DIP2B: variants seen among roughly 807,000 people sequenced by gnomAD.
DIP2B encodes DIP2 acetate--CoA ligase B (putative).
A neutral mutation model predicts 198.0 loss-of-function variants in DIP2B; 76 were observed. The observed-to-expected ratio is 0.38, with a 90% confidence interval of 0.32 to 0.46. The LOEUF (loss-of-function observed/expected upper bound fraction) is 0.46. DIP2B is among the 20% of genes least tolerant of loss of function. The probability of loss-of-function intolerance (pLI) is 0.99; values close to 1 mark genes in which losing one functional copy is unlikely to be tolerated. For synonymous variants in DIP2B, 701 were observed against 739.1 expected, an observed-to-expected ratio of 0.95 and a Z score of 0.84; for missense variants, 1,559 against 1,978.4, an observed-to-expected ratio of 0.79 and a Z score of 4.02.
chr12:50,683,846 T>C (rs542561732), intron 10 of DIP2B, among the ~76,000 whole-genome samples: 1 of 152,162 alleles, frequency 6.6e-6, no homozygotes, highest in South Asian at 2.1e-4. Context: ...ACATGGTGGC[T>C]CACGCCTGTA....
chr12:50,718,103 TTGGCC>T (rs1939766472), intron 23 of DIP2B, among the ~76,000 whole-genome samples: 1 of 151,072 alleles, frequency 6.6e-6, no homozygotes, highest in South Asian at 2.1e-4. Context: ...TTTCACCATG[TTGGCC>T]AGGATGGTCT....
At chr12:50,522,420 G>GCTCTGGAACCAGCCCT (rs1958128351) in intron 1 of DIP2B, among the ~76,000 whole-genome samples, 1 of 152,156 alleles carries the variant, frequency 6.6e-6, no homozygotes, top group Non-Finnish European at 1.5e-5. Flanking sequence ...GGTACAAGAC[G>GCTCTGGAACCAGCCCT]GGAACCAGCC....
intron 1 of DIP2B, among the ~76,000 whole-genome samples, chr12:50,591,928 A>AGT (rs1293096526): frequency 1.3e-5 from 2 of 149,418 alleles, no homozygotes; most frequent in African/African-American, 4.9e-5. Context: ...TCCAGGCTAG[A>AGT]GTGCAGTGGT....
intron 3 of DIP2B, among the ~76,000 whole-genome samples, chr12:50,652,346 T>TACAC (rs34791599): frequency 5.3e-4 from 74 of 140,444 alleles, no homozygotes; most frequent in African/African-American, 1.7e-3. Flanking sequence ...ATATATATAA[T>TACAC]ACACACACAC....
intron 18 of DIP2B, 25 bp downstream of exon 18, chr12:50,698,492 G>T: frequency 1.9e-6 from 3 of 1,593,054 alleles, no homozygotes; most frequent in East Asian, 2.2e-5. Context: ...GCATCATTTG[G>T]TTTTTCATAA....
At chr12:50,696,911 C>A in intron 16 of DIP2B, 150 bp from the exon 17 acceptor site, 1 of 608,036 alleles carries the variant, frequency 1.6e-6, no homozygotes. Context: ...AACCATCTCA[C>A]AGGGACAGTA....
At chr12:50,674,796 T>C (rs1382700818) in intron 6 of DIP2B, among the ~76,000 whole-genome samples, 167 bp downstream of exon 6, 1 of 152,234 alleles carries the variant, frequency 6.6e-6, no homozygotes, top group East Asian at 1.9e-4. Flanking sequence ...ACAGTGACAG[T>C]ATTGCCACTT....
intron 32 of DIP2B, among the ~76,000 whole-genome samples, chr12:50,732,928 C>T (rs995940710): frequency 3.3e-5 from 5 of 151,446 alleles, no homozygotes; most frequent in East Asian, 1.9e-4. Context: ...TTATTTGAGA[C>T]GGAGCCTTGC....
intron 11 of DIP2B, 46 bp from the exon 12 acceptor site, chr12:50,686,527 C>G: frequency 1.9e-6 from 3 of 1,565,898 alleles, no homozygotes; most frequent in East Asian, 2.2e-5. Flanking sequence ...TGAATTCATT[C>G]CCTGATGGCT....
intron 2 of DIP2B, among the ~76,000 whole-genome samples, chr12:50,638,027 A>G (rs1159095973): frequency 2.6e-5 from 4 of 152,208 alleles, no homozygotes; most frequent in Admixed American, 1.3e-4. Context: ...TGTACTTTTT[A>G]TTGTTACTAA....
At chr12:50,579,780 T>C (rs569338130) in intron 1 of DIP2B, among the ~76,000 whole-genome samples, 11 of 147,594 alleles carry the variant, frequency 7.5e-5, no homozygotes, top group Admixed American at 2.0e-4. Flanking sequence ...ACCACATTTT[T>C]GGAGAACTGC....
chr12:50,635,483 C>A (rs952318), intron 2 of DIP2B, among the ~76,000 whole-genome samples: 44,059 of 152,034 alleles, frequency 0.29, 6,579 homozygotes, highest in East Asian at 0.36. Flanking sequence ...CCAAACGTGG[C>A]TTCCTTTTGT....
At chr12:50,668,564 T>C (rs1054338153) in intron 4 of DIP2B, among the ~76,000 whole-genome samples, 4 of 152,192 alleles carry the variant, frequency 2.6e-5, no homozygotes, top group Admixed American at 6.5e-5. Context: ...TGAAACCCAT[T>C]TTCCATAAAC....
At chr12:50,724,262 C>CT (rs1158894879) in intron 27 of DIP2B, among the ~76,000 whole-genome samples, 1 of 152,140 alleles carries the variant, frequency 6.6e-6, no homozygotes, top group Non-Finnish European at 1.5e-5. Flanking sequence ...GGTCATAGGT[C>CT]ACTTTGCATT....
At chr12:50,601,086 A>C (rs1002667500) in intron 1 of DIP2B, among the ~76,000 whole-genome samples, 3 of 151,988 alleles carry the variant, frequency 2.0e-5, no homozygotes, top group Non-Finnish European at 4.4e-5. Flanking sequence ...ATTCCATATA[A>C]TCTGTTTATC....
intron 1 of DIP2B, among the ~76,000 whole-genome samples, chr12:50,560,041 C>T (rs902053194): frequency 6.6e-6 from 1 of 152,086 alleles, no homozygotes. Flanking sequence ...CTTCGGGAGG[C>T]CGAGGTGGGT....
intron 3 of DIP2B, among the ~76,000 whole-genome samples, chr12:50,647,660 A>G (rs2684906): frequency 0.89 from 134,996 of 152,136 alleles, 60,754 homozygotes; most frequent in Non-Finnish European, 0.98. Context: ...GACTCAACCC[A>G]CCTACACATT....
Position 50,731,548 on chromosome 12 carries a change from G to A in DIP2B, c.3810+11G>A. On this transcript the variant is annotated intron_variant, in intron 31 of 37. Transcript: ENST00000301180. ...GTGGAAGTGCTAAAGGTAAGAAGCA[G>A]CTCCAGCAGGTGGCCAGTCCCAAAA... The A allele has an allele frequency of 6.2e-7, 1 of 1,603,954 alleles. No homozygotes were observed. Among genetic ancestry groups the A allele is most frequent in the South Asian group, 1.1e-5 (1 of 89,964 alleles).
At chr12:50,549,697 TAA>T (rs56326368) in intron 1 of DIP2B, among the ~76,000 whole-genome samples, 29 of 64,784 alleles carry the variant, frequency 4.5e-4, no homozygotes, top group Non-Finnish European at 5.8e-4. Context: ...GACTCCATCT[TAA>T]AAAAAAAAAA....
Sources: gnomAD v4.1 joint callset for allele counts (sites outside exome capture counted in the v4.1 genomes callset) on GRCh38, gnomAD v4.1.1 for gene constraint, MANE v1.5 for transcripts, NCBI Gene and HGNC (gene_info 2026-07-23, HGNC 2026-07-21) for gene names.